The following ZNF407 variants were observed in gnomAD, a reference collection of about 807,000 sequenced individuals.
ZNF407 encodes the protein zinc finger protein 407.
In ZNF407, 17 loss-of-function variants were observed where a neutral mutation model predicts 131.2. That is an observed-to-expected ratio of 0.13 (90% CI 0.09 to 0.19). ZNF407 has a LOEUF of 0.19. Among genes scored for constraint, ZNF407 ranks in the 10% least tolerant of loss-of-function variants. ZNF407 has a pLI of 1.00. For missense variants in ZNF407, 2,681 were observed against 2,830.6 expected (o/e 0.95, Z 1.20); for synonymous variants, 1,156 against 1,062.0 (o/e 1.09, Z -1.72).
At chr18:74,666,541 C>G (rs1208927830) in intron 3 of ZNF407, among the ~76,000 whole-genome samples, 1 of 152,032 alleles carries the variant, frequency 6.6e-6, no homozygotes, top group Non-Finnish European at 1.5e-5. Flanking sequence ...TGGTTTACCT[C>G]CTTTGGATGG....
chr18:74,980,304 C>A (rs79974833), intron 8 of ZNF407, among the ~76,000 whole-genome samples: 4,392 of 144,830 alleles, frequency 0.03, 246 homozygotes, highest in African/African-American at 0.1. Context: ...GTGTTAATTG[C>A]TGAATTTCTT....
chr18:74,803,972 T>A, intron 4 of ZNF407: 1 of 1,551,688 alleles, frequency 6.4e-7, no homozygotes, highest in Non-Finnish European at 8.7e-7. Context: ...AGAGTAAAGG[T>A]TGCATATCGA....
At chr18:74,969,362 C>T (rs1248999523) in intron 8 of ZNF407, among the ~76,000 whole-genome samples, 1 of 152,144 alleles carries the variant, frequency 6.6e-6, no homozygotes, top group Non-Finnish European at 1.5e-5. Flanking sequence ...TCTATTATGT[C>T]ATGAGACTGT....
At chr18:74,855,901 T>A (rs987617769) in intron 4 of ZNF407, among the ~76,000 whole-genome samples, 1 of 152,212 alleles carries the variant, frequency 6.6e-6, no homozygotes. Context: ...TCAATTTGAC[T>A]TGATACACAC....
chr18:74,773,484 A>C lies in ZNF407; in HGVS notation c.4803-7944A>C, dbSNP rs536655553. On this transcript the variant is annotated intron_variant, in intron 3 of 8. Transcript: ENST00000299687. ...AGAGCTTAAAGAAGAGATTGACAAT[A>C]GTATGAAAGAGGAAGTGATCAAAAG... 2.0e-5 allele frequency among the ~76,000 whole-genome samples: 3 copies of C among 147,892 alleles called. 1 individual carries two copies. The highest frequency in any genetic ancestry group is 7.9e-5 in the African/African-American group (3 of 37,784).
intron 4 of ZNF407, among the ~76,000 whole-genome samples, chr18:74,858,806 C>T (rs996023066): frequency 6.6e-6 from 1 of 151,998 alleles, no homozygotes; most frequent in Non-Finnish European, 1.5e-5. Flanking sequence ...TGCTTCAAAT[C>T]CCTATGAAAG....
intron 8 of ZNF407, among the ~76,000 whole-genome samples, chr18:74,963,254 C>T (rs1972369888): frequency 6.6e-6 from 1 of 151,124 alleles, no homozygotes; most frequent in Admixed American, 6.6e-5. Flanking sequence ...CCATATCTGA[C>T]TTTTCACATT....
At chr18:75,029,682 G>A (rs556743110) in intron 8 of ZNF407, among the ~76,000 whole-genome samples, 8 of 152,196 alleles carry the variant, frequency 5.3e-5, no homozygotes, top group Admixed American at 1.3e-4. Context: ...GAAGTGCTTC[G>A]TTTCTTCAGC....
At chr18:74,988,209 A>T (rs1972676073) in intron 8 of ZNF407, among the ~76,000 whole-genome samples, 1 of 152,366 alleles carries the variant, frequency 6.6e-6, no homozygotes, top group African/African-American at 2.4e-5. Context: ...ATATATCCAT[A>T]TAAAAAAATG....
chr18:74,927,756 A>G (rs1374944270), intron 8 of ZNF407, among the ~76,000 whole-genome samples: 1 of 152,226 alleles, frequency 6.6e-6, no homozygotes, highest in Non-Finnish European at 1.5e-5. Flanking sequence ...GAAGGAAAAG[A>G]CTAATGATTT....
At chr18:74,887,577 A>G (rs1971327441) in intron 6 of ZNF407, among the ~76,000 whole-genome samples, 1 of 152,130 alleles carries the variant, frequency 6.6e-6, no homozygotes, top group Non-Finnish European at 1.5e-5. Flanking sequence ...CTAGCTGTTC[A>G]TCTTTTTCCT....
chr18:74,932,839 A>G (rs117787703), intron 8 of ZNF407, among the ~76,000 whole-genome samples: 1,892 of 152,312 alleles, frequency 0.012, 30 homozygotes, highest in Non-Finnish European at 0.019. Flanking sequence ...AAAAAAACCT[A>G]CGACTACCAC....
At chr18:74,783,551 T>C (rs1164261788) in intron 4 of ZNF407, among the ~76,000 whole-genome samples, 2 of 151,820 alleles carry the variant, frequency 1.3e-5, no homozygotes, top group Admixed American at 6.5e-5. Flanking sequence ...AAAAATTTAC[T>C]GTTTTTTTTT....
At chr18:74,970,899 T>G (rs1363339189) in intron 8 of ZNF407, among the ~76,000 whole-genome samples, 1 of 152,242 alleles carries the variant, frequency 6.6e-6, no homozygotes, top group African/African-American at 2.4e-5. Flanking sequence ...GCCCTGCCCC[T>G]GCAGCAAACT....
chr18:74,961,345 T>TC (rs1972341502), intron 8 of ZNF407, among the ~76,000 whole-genome samples: 1 of 152,184 alleles, frequency 6.6e-6, no homozygotes, highest in Non-Finnish European at 1.5e-5. Context: ...TAGCAGATCA[T>TC]GGTGACCTAG....
chr18:74,888,010 A>G (rs1375160019), intron 6 of ZNF407, among the ~76,000 whole-genome samples: 1 of 152,180 alleles, frequency 6.6e-6, no homozygotes, highest in East Asian at 1.9e-4. Flanking sequence ...AAACGTTCTA[A>G]TTTTCAGGAC....
At position 74,641,135 on chromosome 18, in the gene ZNF407, A is replaced by C; in HGVS notation, c.4802+13A>C. 1.3e-6 allele frequency: 2 copies of C among 1,592,770 alleles called. No homozygotes were observed. Among genetic ancestry groups the C allele is most frequent in the Non-Finnish European group, 1.7e-6 (2 of 1,160,786 alleles). ...GTCATGTCTGTGGGTGAGTAAATTG[A>C]AGCCATCTCTGCTGCGTGAACCAGG... On this transcript the variant is annotated intron_variant, in intron 3 of 8. Transcript: ENST00000299687.
intron 4 of ZNF407, among the ~76,000 whole-genome samples, chr18:74,858,646 C>T (rs938162114): frequency 6.6e-6 from 1 of 152,200 alleles, no homozygotes; most frequent in African/African-American, 2.4e-5. Context: ...TGTGACCTTT[C>T]TGCCCTGTTC....
chr18:74,612,710 T>G (rs1983116578), intron 1 of ZNF407, among the ~76,000 whole-genome samples: 1 of 152,208 alleles, frequency 6.6e-6, no homozygotes, highest in Admixed American at 6.5e-5. Flanking sequence ...GAAGATTGCA[T>G]CTTGCAGTGA....
Sources: gnomAD v4.1 joint callset for allele counts (sites outside exome capture counted in the v4.1 genomes callset) on GRCh38, gnomAD v4.1.1 for gene constraint, MANE v1.5 for transcripts, NCBI Gene and HGNC (gene_info 2026-07-23, HGNC 2026-07-21) for gene names.